The following SNRNP200 variants were observed in gnomAD, a reference collection of about 807,000 sequenced individuals.
SNRNP200 encodes small nuclear ribonucleoprotein U5 subunit 200, also known as U5 small nuclear ribonucleoprotein 200 kDa helicase.
A neutral mutation model predicts 255.2 loss-of-function variants in SNRNP200; 66 were observed. The ratio of observed to expected loss-of-function variants is 0.26; its 90% CI spans 0.21 to 0.32. The LOEUF (loss-of-function observed/expected upper bound fraction) is 0.32, where lower values mean the gene tolerates loss of function less well. SNRNP200 is among the 10% of genes least tolerant of loss of function. The pLI is 1.00. For synonymous variants in SNRNP200, 939 were observed against 1,027.8 expected (o/e 0.91, Z 1.65); for missense variants, 1,585 against 2,749.8 (o/e 0.58, Z 9.47).
rs767758357 is a variant in SNRNP200 at position 96,304,764 on chromosome 2, G to C, written c.150C>G (p.Thr50=). The stretch of plus-strand genomic sequence containing the variant: ...TCCGTTGAGCCTTGTCTCCCATACG[G>C]GTGCCCTCCAGCTTCCCAACAAGGG... ...VLSLVGKLEG[T]RMGDKAQRTK... Residue 50 remains threonine, a synonymous_variant, in exon 2 of 45, where the codon ACC becomes ACG. Coordinates refer to ENST00000323853, the MANE Select transcript of SNRNP200 (RefSeq NM_014014.5). 2.5e-6 allele frequency: 4 copies of C among 1,614,154 alleles called. No individual in the cohort carries two copies. The highest frequency in any genetic ancestry group is 2.5e-6 in the Non-Finnish European group (3 of 1,180,032).
chr2:96,285,444 T>A, intron 29 of SNRNP200, 104 bp from the exon 30 acceptor site: 20 of 1,278,594 alleles, frequency 1.6e-5, no homozygotes, highest in Non-Finnish European at 2.0e-5. Context: ...CGAAATGAAG[T>A]CAGGCAGTTC....
chr2:96,274,666 C>T lies in SNRNP200; in HGVS notation c.*346G>A, dbSNP rs760963301. 2 of 362,234 alleles carry T rather than the reference C, an allele frequency of 5.5e-6. No individual in the cohort carries two copies. The highest frequency in any genetic ancestry group is 5.3e-6 in the Non-Finnish European group (1 of 188,786). The allele number at this position is 362,234 out of a possible 1,614,324, so 22.4% of individuals were successfully genotyped here. On this transcript the variant is annotated 3_prime_UTR_variant, in exon 45 of 45. Transcript: ENST00000323853. ...GTTCCTGGCTAAAAAATAACCAGAT[C>T]TTTTTGGCCGTGCCCTCAGGTTGGA...
chr2:96,275,352 G>A lies in SNRNP200; in HGVS notation c.6175-3C>T, dbSNP rs765377396. On this transcript the variant is annotated splice_polypyrimidine_tract_variant and splice_region_variant and intron_variant, in intron 43 of 44. Transcript: ENST00000323853. ...ACCCACCAGCCCTCTTCACGTTTCTGCAGTGATCCAAAACCAAGAATTTCA... is the reference window on the plus strand; with the variant it reads ...ACCCACCAGCCCTCTTCACGTTTCTACAGTGATCCAAAACCAAGAATTTCA... 1.1e-5 allele frequency: 17 copies of A among 1,612,656 alleles called. No individual in the cohort carries two copies. Among genetic ancestry groups the A allele is most frequent in the Non-Finnish European group, 1.4e-5 (16 of 1,179,814 alleles).
chr2:96,289,064 C>T lies in SNRNP200; in HGVS notation c.3147G>A (p.Lys1049=). 6.2e-7 allele frequency: 1 copy of T among 1,613,020 alleles called. No individual in the cohort carries two copies. The highest frequency in any genetic ancestry group is 1.3e-5 in the African/African-American group (1 of 75,042). The change falls in exon 23 of 45, where the codon AAG becomes AAA. Residue 1049 remains lysine, a synonymous_variant. Transcript: ENST00000323853. ...TAGCACTGGGTTCCTCAATGCTCTC[C>T]TTTACAGGGATAGGCACCCTCTCCA... The part of the protein sequence containing the change: ...KLLERVPIPV[K]ESIEEPSAKI...
Position 96,297,762 on chromosome 2 carries a change from G to T in SNRNP200, c.1120-42C>A, listed in dbSNP as rs750751355. ...TAAAAATCACAAAAACAATTCATCA[G>T]TATCATAGGTTCTTGTCCTTTTCTG... is the stretch of plus-strand genomic sequence containing the variant. On this transcript the variant is annotated intron_variant, in intron 9 of 44. Coordinates refer to ENST00000323853, the MANE Select transcript of SNRNP200 (RefSeq NM_014014.5). 8 of 1,604,980 alleles carry T rather than the reference G, an allele frequency of 5.0e-6. No homozygotes were observed. In the South Asian group the frequency reaches 7.7e-5, roughly 15 times the overall value.
chr2:96,278,206 A>G lies in SNRNP200; in HGVS notation c.5610+31T>C, dbSNP rs762887807. On this transcript the variant is annotated intron_variant, in intron 39 of 44. Coordinates refer to ENST00000323853, the MANE Select transcript of SNRNP200 (RefSeq NM_014014.5). This position sits in a 1 kb window ranked among gnomAD's most constrained non-coding sequence, Gnocchi z 6.9. Reference sequence around the variant, plus strand: ...CACACAGGCCGAGTTTGTTGTTCCCAGGATGCTCTCCTGAAGTCTGCTGTC... The same window carrying G: ...CACACAGGCCGAGTTTGTTGTTCCCGGGATGCTCTCCTGAAGTCTGCTGTC... 1.8e-5 allele frequency: 29 copies of G among 1,613,966 alleles called. No homozygotes were observed. Among genetic ancestry groups the G allele is most frequent in the Non-Finnish European group, 2.4e-5 (28 of 1,180,014 alleles).
rs762326859 is a variant in SNRNP200, at chr2:96,283,330, C to T, written c.4786G>A (p.Asp1596Asn). 1 of 1,614,132 alleles carries T rather than the reference C, an allele frequency of 6.2e-7. No homozygotes were observed. The highest frequency in any genetic ancestry group is 1.1e-5 in the South Asian group (1 of 91,082). ...RQRFLHCTEK[D>N]LIPYLEKLSD... is the part of the protein sequence containing the mutation. ...AGCTTCTCCAGGTACGGAATCAGAT[C>T]CTTCTCGGTGCAGTGCAAGAACCTG... Residue 1596 changes from aspartate (D) to asparagine (N), a missense_variant, in exon 34 of 45, where the codon GAT (aspartate) becomes AAT (asparagine). Around this residue, in one of 9 missense-constraint regions of SNRNP200, gnomAD observed 719 missense variants for 1,091.1 expected, o/e 0.66. Coordinates refer to ENST00000323853, the MANE Select transcript of SNRNP200 (RefSeq NM_014014.5). This position sits in a 1 kb window ranked among gnomAD's most constrained non-coding sequence, Gnocchi z 4.7.
intron 1 of SNRNP200, 136 bp from the exon 2 acceptor site, chr2:96,305,004 C>T (rs1297659137): frequency 3.5e-5 from 37 of 1,059,258 alleles, no homozygotes; most frequent in Non-Finnish European, 3.5e-5. Flanking sequence ...ATATATTTTC[C>T]TTAAGAATTG....
intron 2 of SNRNP200, among the ~76,000 whole-genome samples, chr2:96,304,255 A>G (rs867348699): frequency 2.4e-4 from 37 of 152,274 alleles, no homozygotes; most frequent in Middle Eastern, 6.8e-3. Flanking sequence ...CTTAAAAAAA[A>G]AAAATAAAGG....
rs765529846 is a variant in SNRNP200 at position 96,286,510 on chromosome 2, A to G, written c.3830-26T>C. 1.2e-6 allele frequency: 2 copies of G among 1,613,314 alleles called. No homozygotes were observed. Among genetic ancestry groups the G allele is most frequent in the South Asian group, 2.2e-5 (2 of 91,020 alleles). The stretch of plus-strand genomic sequence containing the variant: ...CTGCCAGAAAAGAAACAGGAAGGAT[A>G]TAAGCACTGCTCTCTTTCCCTCACT... On this transcript the variant is annotated intron_variant, in intron 28 of 44. Coordinates refer to ENST00000323853, the MANE Select transcript of SNRNP200 (RefSeq NM_014014.5). This position sits in a 1 kb window ranked among gnomAD's most constrained non-coding sequence, Gnocchi z 4.8.
rs1173920903 is a variant in SNRNP200, at chr2:96,297,010, T to C, written c.1438A>G (p.Thr480Ala). ...AGCTTACTCTGGATCCGATTCAGTG[T>C]TTTGAAGCCCTCAAACCCAGCCTGG... The part of the protein sequence containing the change: ...YAQAGFEGFK[T>A]LNRIQSKLYR... The change falls in exon 12 of 45, where the codon ACA becomes GCA. Residue 480 changes from threonine to alanine, a missense_variant. Physicochemically the swap from Thr to Ala is moderately conservative, Grantham distance 58 (BLOSUM62 0). This residue lies in a region of SNRNP200 where 383 missense variants were observed against 645.3 expected (regional missense o/e 0.59). Transcript: ENST00000323853. 1 of 1,614,202 alleles carries C rather than the reference T, an allele frequency of 6.2e-7. No individual in the cohort carries two copies. The highest frequency in any genetic ancestry group is 8.5e-7 in the Non-Finnish European group (1 of 1,180,022).
In SNRNP200 at chr2:96,296,925, G is replaced by A. The variant is rs964428130; in HGVS notation, c.1515+8C>T. The A allele has an allele frequency of 5.6e-6, 9 of 1,614,024 alleles. No individual in the cohort carries two copies. The highest frequency in any genetic ancestry group is 1.3e-5 in the African/African-American group (1 of 74,890). On this transcript the variant is annotated splice_region_variant and intron_variant, in intron 12 of 44. Coordinates refer to ENST00000323853, the MANE Select transcript of SNRNP200 (RefSeq NM_014014.5). ...CTACAAGAAAACAGCAGGCAGGGTG[G>A]CGCTTACAGTAGGAGCACACAGCAG... is the stretch of plus-strand genomic sequence containing the variant.
rs2063884927 is a variant in SNRNP200, at chr2:96,291,693, C to T, written c.2310+58G>A. 2.5e-6 allele frequency: 4 copies of T among 1,596,096 alleles called. No homozygotes were observed. In the East Asian group the frequency reaches 8.9e-5, roughly 36 times the overall value. ...ACAGTCCTAGAGGAGCTGTCTGGGG[C>T]CTGAGATGGACACAGCTGCCAGGTA... On this transcript the variant is annotated intron_variant, in intron 17 of 44. Transcript: ENST00000323853. The surrounding 1 kb of genome is among the most constrained non-coding windows in gnomAD (Gnocchi z 4.2).
At chr2:96,294,600 C>G (rs2063905540) in intron 14 of SNRNP200, among the ~76,000 whole-genome samples, 2 of 152,206 alleles carry the variant, frequency 1.3e-5, no homozygotes, top group Non-Finnish European at 2.9e-5. Flanking sequence ...CACAGACTGC[C>G]AACCCCTGCT....
chr2:96,278,287 C>G lies in SNRNP200; in HGVS notation c.5560G>C (p.Glu1854Gln). ...GLIEIISNAA[E>Q]YENIPIRHHE... ...TGCCGGATGGGAATGTTCTCATACT[C>G]TGCTGCATTGGAGATGATCTCGATA... The change falls in exon 39 of 45, where the codon GAG (glutamate) becomes CAG (glutamine). Residue 1854 changes from glutamate to glutamine, a missense_variant. Glu to Gln is a conservative substitution (Grantham distance 29). Transcript: ENST00000323853. This position sits in a 1 kb window ranked among gnomAD's most constrained non-coding sequence, Gnocchi z 6.9. 2 of 1,614,188 alleles carry G rather than the reference C, an allele frequency of 1.2e-6. No homozygotes were observed. The highest frequency in any genetic ancestry group is 1.7e-6 in the Non-Finnish European group (2 of 1,180,040).
chr2:96,294,132 CAAAAA>C (rs149859993), intron 14 of SNRNP200, among the ~76,000 whole-genome samples: 1 of 85,256 alleles, frequency 1.2e-5, no homozygotes, highest in African/African-American at 4.7e-5. Flanking sequence ...TGCTCCATCT[CAAAAA>C]AAAAAAAAAA....
rs780202099 is a variant in SNRNP200, at chr2:96,283,743, A to C, written c.4585-30T>G. ...CGACCGGGGAGAAGAAAAGACACCA[A>C]GGTTATCAGACCTGGGTCACTCAGG... On this transcript the variant is annotated intron_variant, in intron 32 of 44. Coordinates refer to ENST00000323853, the MANE Select transcript of SNRNP200 (RefSeq NM_014014.5). This position sits in a 1 kb window ranked among gnomAD's most constrained non-coding sequence, Gnocchi z 4.7. The C allele has an allele frequency of 2.5e-6, 4 of 1,613,990 alleles. No homozygotes were observed. In the South Asian group the frequency reaches 4.4e-5, roughly 18 times the overall value.
Position 96,283,820 on chromosome 2 carries a change from T to C in SNRNP200, c.4577A>G (p.His1526Arg). 6.2e-7 allele frequency: 1 copy of C among 1,612,012 alleles called. No homozygotes were observed. Among genetic ancestry groups the C allele is most frequent in the Non-Finnish European group, 8.5e-7 (1 of 1,179,004 alleles). ...PNVRPVPLEL[H>R]IQGFNISHTQ... Reference sequence around the variant, plus strand: ...GAGGAGAGTGGGTCCTACCTGGATGTGCAGCTCCAAGGGGACGGGACGCAC... The same window carrying C: ...GAGGAGAGTGGGTCCTACCTGGATGCGCAGCTCCAAGGGGACGGGACGCAC... Residue 1526 changes from histidine to arginine, a missense_variant, in exon 32 of 45, where the codon CAC (histidine) becomes CGC (arginine). By Grantham distance (29) the His-to-Arg change is conservative. Coordinates refer to ENST00000323853, the MANE Select transcript of SNRNP200 (RefSeq NM_014014.5). This position sits in a 1 kb window ranked among gnomAD's most constrained non-coding sequence, Gnocchi z 4.7.
Position 96,287,714 on chromosome 2 carries a change from C to T in SNRNP200, c.3365+149G>A. ...CAGCCCTGGCCTCCACCACAGAGGGCCTTCCCTCTTCTCAATGTGCACCAA... is the reference window on the plus strand; with the variant it reads ...CAGCCCTGGCCTCCACCACAGAGGGTCTTCCCTCTTCTCAATGTGCACCAA... On this transcript the variant is annotated intron_variant, in intron 25 of 44. Transcript: ENST00000323853. The surrounding 1 kb of genome is among the most constrained non-coding windows in gnomAD (Gnocchi z 5.7). 2.2e-6 allele frequency: 2 copies of T among 900,882 alleles called. No homozygotes were observed. The highest frequency in any genetic ancestry group is 3.8e-6 in the Non-Finnish European group (2 of 532,976). 55.8% of individuals were successfully genotyped at this position (900,882 alleles called of 1,614,324 possible).
Sources: gnomAD v4.1 joint callset for allele counts (sites outside exome capture counted in the v4.1 genomes callset) on GRCh38, gnomAD v4.1.1 for gene constraint, gnomAD v4.1.1 regional missense constraint, Gnocchi (gnomAD v3.1) non-coding constraint, MANE v1.5 for transcripts, NCBI Gene and HGNC (gene_info 2026-07-23, HGNC 2026-07-21) for gene names.